Variants in INPP4B observed in about 807,000 individuals in gnomAD.
INPP4B encodes the protein inositol polyphosphate-4-phosphatase type II B.
INPP4B carries 55 observed loss-of-function variants against 122.5 expected under a neutral mutation model. That is an observed-to-expected ratio of 0.45 (90% CI 0.36 to 0.56). The LOEUF (loss-of-function observed/expected upper bound fraction) is 0.56, where lower values mean the gene tolerates loss of function less well. Ranked by LOEUF, INPP4B falls within the 20% of genes least tolerant of loss-of-function variation. The probability of loss-of-function intolerance (pLI) is 0.00; values close to 1 mark genes in which losing one functional copy is unlikely to be tolerated. For synonymous variants in INPP4B, 403 were observed against 388.7 expected (o/e 1.04, Z -0.43); for missense variants, 1,000 against 1,097.7 (o/e 0.91, Z 1.26).
chr4:142,602,835 T>C (rs1580474437), intron 2 of INPP4B, among the ~76,000 whole-genome samples: 1 of 152,192 alleles, frequency 6.6e-6, no homozygotes, highest in Non-Finnish European at 1.5e-5. Context: ...AGAAAGATCA[T>C]TTGACCCAGC....
intron 1 of INPP4B, among the ~76,000 whole-genome samples, chr4:142,798,605 T>C (rs1014418212): frequency 2.0e-5 from 3 of 151,772 alleles, no homozygotes; most frequent in Admixed American, 1.3e-4. Flanking sequence ...TTAAAATGTG[T>C]CATCAAAAGT....
At chr4:142,483,181 G>GTTTTTTTTT (rs1231258221) in intron 2 of INPP4B, among the ~76,000 whole-genome samples, 1 of 72,394 alleles carries the variant, frequency 1.4e-5, no homozygotes, top group African/African-American at 8.5e-5. Flanking sequence ...GTCAGGCTAT[G>GTTTTTTTTT]CTTTTTTTTT....
At chr4:142,457,181 T>G (rs1452699613) in intron 3 of INPP4B, among the ~76,000 whole-genome samples, 1 of 151,988 alleles carries the variant, frequency 6.6e-6, no homozygotes, top group African/African-American at 2.4e-5. Context: ...CTATAAAGCT[T>G]ATACAGGAAA....
chr4:142,593,096 C>A (rs371160005), intron 2 of INPP4B, among the ~76,000 whole-genome samples: 1 of 147,184 alleles, frequency 6.8e-6, no homozygotes, highest in Non-Finnish European at 1.5e-5. Context: ...ACAGTGAGAT[C>A]CTGTTTTTAA....
At chr4:142,057,597 C>A (rs1511255) in intron 25 of INPP4B, among the ~76,000 whole-genome samples, 135,317 of 152,136 alleles carry the variant, frequency 0.89, 61,712 homozygotes, top group Non-Finnish European at 0.98. Flanking sequence ...GCCTATTTCT[C>A]ATTTGCCTGT....
intron 12 of INPP4B, among the ~76,000 whole-genome samples, chr4:142,214,991 G>C (rs1266745597): frequency 6.6e-6 from 1 of 152,194 alleles, no homozygotes; most frequent in African/African-American, 2.4e-5. Context: ...AGATATGCCA[G>C]TTTACACCTG....
intron 2 of INPP4B, among the ~76,000 whole-genome samples, chr4:142,569,647 T>G (rs1220644766): frequency 6.6e-6 from 1 of 152,134 alleles, no homozygotes; most frequent in East Asian, 1.9e-4. Flanking sequence ...CTCTAAGGTA[T>G]AGATAACTCA....
chr4:142,424,346 T>A (rs557165185), intron 5 of INPP4B, among the ~76,000 whole-genome samples: 6 of 152,182 alleles, frequency 3.9e-5, no homozygotes, highest in Admixed American at 2.0e-4. Context: ...TATGCCATTT[T>A]TCTTCTTCAG....
At chr4:142,430,708 G>T (rs572821384) in intron 4 of INPP4B, among the ~76,000 whole-genome samples, 1 of 152,074 alleles carries the variant, frequency 6.6e-6, no homozygotes, top group East Asian at 1.9e-4. Flanking sequence ...CTCTGGTATG[G>T]CAGTGACAGT....
intron 21 of INPP4B, among the ~76,000 whole-genome samples, chr4:142,116,537 C>T (rs1202514583): frequency 6.6e-6 from 1 of 152,180 alleles, no homozygotes; most frequent in Admixed American, 6.6e-5. Context: ...TATGTGGAAA[C>T]TGAACAACCT....
chr4:142,837,363 T>G (rs539306050), intron 1 of INPP4B, among the ~76,000 whole-genome samples: 2 of 152,252 alleles, frequency 1.3e-5, no homozygotes, highest in Non-Finnish European at 2.9e-5. Flanking sequence ...TCTTGTTACA[T>G]GGATATATTG....
In INPP4B at chr4:142,112,725, G is replaced by A. The variant is rs370197382; in HGVS notation, c.2136-43C>T. 43 of 1,566,882 alleles carry A rather than the reference G, an allele frequency of 2.7e-5. No individual in the cohort carries two copies. In the African/African-American group the frequency reaches 5.4e-4, roughly 20 times the overall value. Reference sequence around the variant, plus strand: ...CAAAGGGAAGAAACATTACTTATTTGTTTTGTGTTATTTTAGATTTATTGG... The same window carrying A: ...CAAAGGGAAGAAACATTACTTATTTATTTTGTGTTATTTTAGATTTATTGG... On this transcript the variant is annotated intron_variant, in intron 21 of 25. Coordinates refer to ENST00000262992, the MANE Select transcript of INPP4B (RefSeq NM_001101669.3).
At chr4:142,366,776 A>T (rs1787655262) in intron 7 of INPP4B, among the ~76,000 whole-genome samples, 1 of 152,176 alleles carries the variant, frequency 6.6e-6, no homozygotes. Context: ...AAAGTTTGTC[A>T]GTATCTCTGT....
chr4:142,573,297 G>C (rs1217455588), intron 2 of INPP4B, among the ~76,000 whole-genome samples: 1 of 152,080 alleles, frequency 6.6e-6, no homozygotes, highest in African/African-American at 2.4e-5. Context: ...TGGGGACACA[G>C]AGCCAAGCCA....
At chr4:142,719,867 G>A (rs989019074) in intron 2 of INPP4B, among the ~76,000 whole-genome samples, 4 of 152,092 alleles carry the variant, frequency 2.6e-5, no homozygotes, top group African/African-American at 9.7e-5. Flanking sequence ...ATTAAAGATA[G>A]AATTTACTAA....
intron 9 of INPP4B, among the ~76,000 whole-genome samples, chr4:142,302,123 T>G (rs3775688): frequency 0.055 from 8,360 of 152,196 alleles, 358 homozygotes; most frequent in East Asian, 0.21. Context: ...GTCAGGGTTC[T>G]GGGATAAGAA....
chr4:142,083,103 A>G (rs1346432117), intron 24 of INPP4B, among the ~76,000 whole-genome samples: 1 of 110,424 alleles, frequency 9.1e-6, no homozygotes, highest in Non-Finnish European at 1.8e-5. Context: ...CCCTGTCTCA[A>G]AAAAAAAAAA....
intron 2 of INPP4B, among the ~76,000 whole-genome samples, chr4:142,596,455 G>A (rs1233928217): frequency 1.3e-5 from 2 of 152,152 alleles, no homozygotes; most frequent in Non-Finnish European, 2.9e-5. Flanking sequence ...GCAAAGATCA[G>A]CCCTAGCTGA....
At chr4:142,521,703 G>A (rs201343024) in intron 2 of INPP4B, among the ~76,000 whole-genome samples, 2 of 151,760 alleles carry the variant, frequency 1.3e-5, no homozygotes, top group East Asian at 3.9e-4. Flanking sequence ...TTATACTTTC[G>A]ATTCATATAT....
Sources: allele counts gnomAD v4.1 joint callset (sites outside exome capture counted in the v4.1 genomes callset), GRCh38; gene constraint gnomAD v4.1.1; transcripts MANE v1.5; gene names NCBI Gene and HGNC (gene_info 2026-07-23, HGNC 2026-07-21).